Variants in PDE4D observed in about 807,000 individuals in gnomAD.
PDE4D encodes phosphodiesterase 4D, also known as 3',5'-cyclic-AMP phosphodiesterase 4D.
PDE4D carries 24 observed loss-of-function variants against 87.4 expected under a neutral mutation model. The ratio of observed to expected loss-of-function variants is 0.27; its 90% confidence interval spans 0.20 to 0.39. PDE4D has a LOEUF of 0.39. PDE4D is among the 10% of genes least tolerant of loss of function. The probability of loss-of-function intolerance (pLI) is 1.00; values close to 1 mark genes in which losing one functional copy is unlikely to be tolerated. For synonymous variants in PDE4D, 384 were observed against 383.2 expected, an observed-to-expected ratio of 1.00 and a Z score of -0.02; for missense variants, 714 against 1,041.0, an observed-to-expected ratio of 0.69 and a Z score of 4.32.
At chr5:59,373,660 T>C (rs891493129) in intron 1 of PDE4D, among the ~76,000 whole-genome samples, 9 of 152,250 alleles carry the variant, frequency 5.9e-5, no homozygotes, top group African/African-American at 1.9e-4. Context: ...GAGGCCAACA[T>C]TTAAATTCAG....
intron 1 of PDE4D, among the ~76,000 whole-genome samples, chr5:59,520,619 C>T (rs184825448): frequency 1.3e-5 from 2 of 151,036 alleles, no homozygotes; most frequent in East Asian, 2.0e-4. Context: ...AAGAGGAGAA[C>T]GATTTAAGAT....
At chr5:60,181,933 C>A (rs1176966350) in intron 2 of PDE4D, among the ~76,000 whole-genome samples, 1 of 152,090 alleles carries the variant, frequency 6.6e-6, no homozygotes, top group African/African-American at 2.4e-5. Flanking sequence ...ATTTTTATAT[C>A]CTGTTCTCTT....
intron 1 of PDE4D, among the ~76,000 whole-genome samples, chr5:59,547,127 T>C (rs1358825682): frequency 3.3e-5 from 5 of 152,192 alleles, no homozygotes; most frequent in Non-Finnish European, 5.9e-5. Flanking sequence ...ATCTAATTCT[T>C]CCTCTACCTC....
intron 5 of PDE4D, among the ~76,000 whole-genome samples, chr5:59,117,948 C>A (rs1773888746): frequency 6.6e-6 from 1 of 151,934 alleles, no homozygotes; most frequent in Non-Finnish European, 1.5e-5. Flanking sequence ...CTATAGCTTT[C>A]CAGTATAAAT....
chr5:59,630,147 G>A (rs1435076939), intron 1 of PDE4D, among the ~76,000 whole-genome samples: 1 of 152,134 alleles, frequency 6.6e-6, no homozygotes, highest in Non-Finnish European at 1.5e-5. Flanking sequence ...TTGAAGTATG[G>A]AGATACATAC....
At chr5:59,767,242 A>C (rs1762911518) in intron 1 of PDE4D, among the ~76,000 whole-genome samples, 1 of 150,328 alleles carries the variant, frequency 6.7e-6, no homozygotes. Context: ...TTTCTCAACT[A>C]ACACACTCAT....
At chr5:60,138,318 G>A (rs1474652893) in intron 2 of PDE4D, among the ~76,000 whole-genome samples, 1 of 152,082 alleles carries the variant, frequency 6.6e-6, no homozygotes, top group African/African-American at 2.4e-5. Context: ...GCAACCCCTT[G>A]TTAAAATATT....
chr5:59,434,422 C>G (rs186812010), intron 1 of PDE4D, among the ~76,000 whole-genome samples: 1 of 152,028 alleles, frequency 6.6e-6, no homozygotes, highest in Non-Finnish European at 1.5e-5. Context: ...CTCCCCAACC[C>G]TCGTGTTTTC....
At chr5:59,409,791 T>A (rs1253744513) in intron 1 of PDE4D, among the ~76,000 whole-genome samples, 1 of 146,354 alleles carries the variant, frequency 6.8e-6, no homozygotes, top group African/African-American at 2.6e-5. Flanking sequence ...AATGGCCTAA[T>A]ACATGGGGTA....
At chr5:59,036,094 T>C (rs1322524028) in intron 6 of PDE4D, among the ~76,000 whole-genome samples, 1 of 152,230 alleles carries the variant, frequency 6.6e-6, no homozygotes, top group Non-Finnish European at 1.5e-5. Context: ...CTAAGATGCC[T>C]TTTATTGAGA....
At chr5:60,317,068 G>A (rs1755680776) in intron 1 of PDE4D, among the ~76,000 whole-genome samples, 1 of 152,212 alleles carries the variant, frequency 6.6e-6, no homozygotes, top group South Asian at 2.1e-4. Context: ...AATGGTACCA[G>A]CTCCTCCTTG....
intron 1 of PDE4D, among the ~76,000 whole-genome samples, chr5:60,233,697 C>T (rs1746084119): frequency 6.6e-6 from 1 of 151,694 alleles, no homozygotes; most frequent in Admixed American, 6.6e-5. Flanking sequence ...TTATATAGTG[C>T]TTATGTTGTG....
chr5:59,615,841 T>A (rs1034833128), intron 1 of PDE4D, among the ~76,000 whole-genome samples: 21 of 152,316 alleles, frequency 1.4e-4, no homozygotes, highest in Non-Finnish European at 1.0e-4. Context: ...AAGAGGACTA[T>A]CTTACAGCGA....
At chr5:59,831,385 G>A (rs1423324452) in intron 1 of PDE4D, among the ~76,000 whole-genome samples, 1 of 147,406 alleles carries the variant, frequency 6.8e-6, no homozygotes, top group Non-Finnish European at 1.5e-5. Flanking sequence ...TGACTTCCAA[G>A]CTTGGTGGCC....
chr5:60,259,332 G>A (rs1484796921), intron 1 of PDE4D, among the ~76,000 whole-genome samples: 1 of 152,064 alleles, frequency 6.6e-6, no homozygotes, highest in African/African-American at 2.4e-5. Flanking sequence ...GAACGATGAA[G>A]AAAATGTCGT....
intron 1 of PDE4D, among the ~76,000 whole-genome samples, chr5:59,683,223 A>G (rs1381486437): frequency 6.6e-6 from 1 of 152,200 alleles, no homozygotes; most frequent in Non-Finnish European, 1.5e-5. Context: ...GTAGACGGAT[A>G]CATAGATGAT....
rs151149108 is a variant in PDE4D at position 59,946,313 on chromosome 5, C to T, written c.272+42175G>A. On this transcript the variant is annotated intron_variant, in intron 3 of 16. Transcript: ENST00000502484. ...GCAACCTACCACAGACAATGACAGA[C>T]ATAATGAATTACTTGGAATTAAAAC... Among the ~76,000 whole-genome samples the T allele has an allele frequency of 2.6e-3, 390 of 152,288 alleles. 3 individuals are homozygous for T. Among genetic ancestry groups the T allele is most frequent in the African/African-American group, 8.5e-3 (355 of 41,554 alleles).
chr5:59,494,454 C>T (rs1806780592), intron 1 of PDE4D, among the ~76,000 whole-genome samples: 1 of 151,954 alleles, frequency 6.6e-6, no homozygotes, highest in South Asian at 2.1e-4. Flanking sequence ...CCTAAGCAAA[C>T]AAAACAAAAC....
At chr5:59,774,726 T>C (rs1763911979) in intron 1 of PDE4D, among the ~76,000 whole-genome samples, 1 of 151,198 alleles carries the variant, frequency 6.6e-6, no homozygotes, top group South Asian at 2.1e-4. Flanking sequence ...CCGGCTTTGT[T>C]GTCCAGGCTG....
Sources: gnomAD v4.1 joint callset for allele counts (sites outside exome capture counted in the v4.1 genomes callset) on GRCh38, gnomAD v4.1.1 for gene constraint, MANE v1.5 for transcripts, NCBI Gene and HGNC (gene_info 2026-07-23, HGNC 2026-07-21) for gene names.